TAB2: variants seen among roughly 807,000 people sequenced by gnomAD.
The protein encoded by TAB2 is TGF-beta-activated kinase 1 and MAP3K7-binding protein 2.
In TAB2, 3 loss-of-function variants were observed where a neutral mutation model predicts 65.0. The observed-to-expected ratio is 0.05, with a 90% CI of 0.02 to 0.12. The LOEUF (loss-of-function observed/expected upper bound fraction) is 0.12, where lower values mean the gene tolerates loss of function less well. TAB2 is among the 10% of genes least tolerant of loss of function. The pLI is 1.00. For missense variants in TAB2, 623 were observed against 840.3 expected (o/e 0.74, Z 3.20); for synonymous variants, 298 against 285.1 (o/e 1.05, Z -0.46).
chr6:149,270,704 C>A (rs978807215), intron 1 of TAB2, among the ~76,000 whole-genome samples: 1 of 152,214 alleles, frequency 6.6e-6, no homozygotes, highest in Admixed American at 6.5e-5. Context: ...AGACCTTGCA[C>A]ATTTTCATCA....
chr6:149,233,195 G>C (rs1397830005), intron 1 of TAB2, among the ~76,000 whole-genome samples: 2 of 152,092 alleles, frequency 1.3e-5, no homozygotes, highest in Non-Finnish European at 2.9e-5. Context: ...CCTGGCGGGG[G>C]GTGAGAAACA....
chr6:149,255,297 T>C (rs1275286565), intron 1 of TAB2: 1 of 152,382 alleles, frequency 6.6e-6, no homozygotes, highest in African/African-American at 2.4e-5. Flanking sequence ...CACCAGGAGA[T>C]GAATCTGCCT....
intron 1 of TAB2, among the ~76,000 whole-genome samples, chr6:149,356,950 C>CT (rs1430154920): frequency 2.6e-5 from 4 of 152,070 alleles, no homozygotes; most frequent in African/African-American, 9.7e-5. Flanking sequence ...AAAAATGCAC[C>CT]TGTCATTTCA....
chr6:149,240,845 G>A lies in TAB2; in HGVS notation c.-121+22069G>A, dbSNP rs1306786951. Among the ~76,000 whole-genome samples, 7 of 152,116 alleles carry A rather than the reference G, an allele frequency of 4.6e-5. No homozygotes were observed. In the South Asian group the frequency reaches 6.2e-4, roughly 14 times the overall value. The stretch of plus-strand genomic sequence containing the variant: ...AGAGCTACAAATTTAATTATGACAC[G>A]TGTTATGGATTAAATGGTCATGCCC... On this transcript the variant is annotated intron_variant, in intron 1 of 1. Coordinates refer to the TAB2 transcript ENST00000606202.
chr6:149,277,243 A>G (rs1778492954), intron 1 of TAB2, among the ~76,000 whole-genome samples: 1 of 152,246 alleles, frequency 6.6e-6, no homozygotes, highest in Admixed American at 6.5e-5. Flanking sequence ...AAGTTTATTC[A>G]TTGCAGTTTT....
Position 149,220,574 on chromosome 6 carries a change from G to A in TAB2, c.-121+1798G>A, listed in dbSNP as rs540252958. On this transcript the variant is annotated intron_variant, in intron 1 of 1. Transcript: ENST00000606202. ...GCATCAGAAAAGTTCTGAAGTTTTG[G>A]GAAGCTGTCAGGCCCACAGTGGAAA... Among the ~76,000 whole-genome samples the A allele has an allele frequency of 5.9e-5, 9 of 152,178 alleles. No homozygotes were observed. In the East Asian group the frequency reaches 1.7e-3, roughly 29 times the overall value.
chr6:149,242,370 AC>A (rs1395755507), intron 1 of TAB2, among the ~76,000 whole-genome samples: 19 of 152,236 alleles, frequency 1.2e-4, no homozygotes, highest in Non-Finnish European at 2.4e-4. Context: ...ATAGAAAGTA[AC>A]CTTTAAGTAT....
At chr6:149,223,752 C>A (rs749056297) in intron 1 of TAB2, among the ~76,000 whole-genome samples, 22 of 152,134 alleles carry the variant, frequency 1.4e-4, no homozygotes, top group Non-Finnish European at 2.9e-4. Context: ...TCAATGACTG[C>A]TTGCATTTTC....
intron 1 of TAB2, among the ~76,000 whole-genome samples, chr6:149,338,606 T>C (rs947186393): frequency 6.6e-6 from 1 of 152,236 alleles, no homozygotes; most frequent in Non-Finnish European, 1.5e-5. Context: ...ATATTTTTGC[T>C]TCACATGAAA....
At chr6:149,277,636 GA>G (rs913242777) in intron 1 of TAB2, among the ~76,000 whole-genome samples, 1 of 152,058 alleles carries the variant, frequency 6.6e-6, no homozygotes, top group African/African-American at 2.4e-5. Context: ...TTTGATATTA[GA>G]ACTACATAAA....
intron 1 of TAB2, among the ~76,000 whole-genome samples, chr6:149,266,790 C>T (rs1269902847): frequency 2.0e-5 from 3 of 152,302 alleles, no homozygotes; most frequent in Middle Eastern, 3.4e-3. Context: ...TCTCCTGTCT[C>T]TATCATTGTG....
At chr6:149,240,987 T>C (rs1777586866) in intron 1 of TAB2, among the ~76,000 whole-genome samples, 1 of 152,032 alleles carries the variant, frequency 6.6e-6, no homozygotes, top group African/African-American at 2.4e-5. Flanking sequence ...CCTAATCCAA[T>C]AGTGATAATG....
At chr6:149,403,270 AT>A (rs1782521102) in intron 6 of TAB2, among the ~76,000 whole-genome samples, 1 of 46,398 alleles carries the variant, frequency 2.2e-5, no homozygotes, top group African/African-American at 1.2e-4. Flanking sequence ...ATATATATAT[AT>A]ATATATATAT....
chr6:149,385,555 TA>T (rs1264170936), intron 3 of TAB2, among the ~76,000 whole-genome samples: 1 of 152,208 alleles, frequency 6.6e-6, no homozygotes, highest in Non-Finnish European at 1.5e-5. Context: ...ACTTACAGAA[TA>T]TTTTTTTCAA....
chr6:149,228,315 G>A (rs1265481799), intron 1 of TAB2, among the ~76,000 whole-genome samples: 6 of 152,270 alleles, frequency 3.9e-5, no homozygotes, highest in South Asian at 4.1e-4. Flanking sequence ...CTGGCCCCAC[G>A]TGTTGAAAGC....
intron 1 of TAB2, among the ~76,000 whole-genome samples, chr6:149,258,609 C>A (rs1778090108): frequency 6.6e-6 from 1 of 152,166 alleles, no homozygotes; most frequent in Non-Finnish European, 1.5e-5. Flanking sequence ...GATAATTTTT[C>A]CCTGAGTTAA....
intron 4 of TAB2, 80 bp from the exon 5 acceptor site, chr6:149,397,889 T>C (rs1782228968): frequency 5.1e-6 from 8 of 1,578,548 alleles, no homozygotes; most frequent in Non-Finnish European, 6.9e-6. Flanking sequence ...GTCCTTACTT[T>C]CTTGTGCCAA....
rs1156712647 is a variant in TAB2 at position 149,410,452 on chromosome 6, A to AT, written c.*737dup. ...TAGTGTAATAGCCTTTTGTTAACTAATTTTCTTTTTTCCTTTTAGTAATTA... is the reference window on the plus strand; with the variant it reads ...TAGTGTAATAGCCTTTTGTTAACTAATTTTTCTTTTTTCCTTTTAGTAATTA... On this transcript the variant is annotated 3_prime_UTR_variant, in exon 7 of 7. Coordinates refer to ENST00000637181, the MANE Select transcript of TAB2 (RefSeq NM_001292034.3). 6.6e-6 allele frequency: 1 copy of AT among 152,446 alleles called. No individual in the cohort carries two copies. Among genetic ancestry groups the AT allele is most frequent in the Non-Finnish European group, 1.5e-5 (1 of 67,990 alleles). The allele number at this position is 152,446 out of a possible 1,614,324, so 9.4% of individuals were successfully genotyped here.
chr6:149,303,472 A>T (rs898394102), intron 1 of TAB2, among the ~76,000 whole-genome samples: 2 of 152,150 alleles, frequency 1.3e-5, no homozygotes, highest in African/African-American at 4.8e-5. Flanking sequence ...GGAAAAATGT[A>T]TGTGTGTGTG....
Sources: allele counts gnomAD v4.1 joint callset (sites outside exome capture counted in the v4.1 genomes callset), GRCh38; gene constraint gnomAD v4.1.1; transcripts MANE v1.5; gene names NCBI Gene and HGNC (gene_info 2026-07-23, HGNC 2026-07-21).